FAM227A: variants seen among roughly 807,000 people sequenced by gnomAD.
FAM227A encodes the protein protein FAM227A.
A neutral mutation model predicts 74.7 loss-of-function variants in FAM227A; 80 were observed. The observed-to-expected ratio is 1.07, with a 90% CI of 0.89 to 1.29. FAM227A has a LOEUF of 1.29. Ranked by LOEUF, FAM227A falls within the 50% of genes most tolerant of loss-of-function variation. FAM227A has a pLI of 0.00. For missense variants in FAM227A, 654 were observed against 683.4 expected (o/e 0.96, Z 0.48); for synonymous variants, 237 against 241.8 (o/e 0.98, Z 0.19).
At chr22:38,594,346 A>G (rs2090999561) in intron 15 of FAM227A, among the ~76,000 whole-genome samples, 1 of 152,048 alleles carries the variant, frequency 6.6e-6, no homozygotes, top group Admixed American at 6.6e-5. Flanking sequence ...TCCCTGACTT[A>G]TGTGGTTGCC....
At chr22:38,594,873 T>C (rs1042488605) in intron 15 of FAM227A, among the ~76,000 whole-genome samples, 1 of 151,552 alleles carries the variant, frequency 6.6e-6, no homozygotes, top group Non-Finnish European at 1.5e-5. Context: ...CCGAGGGGGG[T>C]GGATCACGAG....
At chr22:38,639,492 C>T in intron 4 of FAM227A, 163 bp downstream of exon 4, 2 of 725,474 alleles carry the variant, frequency 2.8e-6, no homozygotes, top group Non-Finnish European at 4.9e-6. Flanking sequence ...TACTGCCCCT[C>T]CCTCCTTCCT....
At chr22:38,604,147 T>C (rs965367597) in intron 13 of FAM227A, among the ~76,000 whole-genome samples, 7 of 151,808 alleles carry the variant, frequency 4.6e-5, no homozygotes, top group African/African-American at 1.7e-4. Context: ...GCCAACATGG[T>C]GAAACCCCGT....
At chr22:38,631,146 C>T (rs1336581010) in intron 6 of FAM227A, among the ~76,000 whole-genome samples, 3 of 151,994 alleles carry the variant, frequency 2.0e-5, no homozygotes, top group Admixed American at 6.6e-5. Flanking sequence ...CCAGCCTGGG[C>T]GACAGAGCGA....
intron 3 of FAM227A, among the ~76,000 whole-genome samples, chr22:38,643,943 C>A (rs897752932): frequency 6.6e-6 from 1 of 151,720 alleles, no homozygotes; most frequent in Admixed American, 6.6e-5. Flanking sequence ...GTCAGGAGAT[C>A]GAGACCACCC....
chr22:38,610,830 G>A (rs1422027023), intron 11 of FAM227A, among the ~76,000 whole-genome samples: 1 of 152,174 alleles, frequency 6.6e-6, no homozygotes, highest in Non-Finnish European at 1.5e-5. Flanking sequence ...GGGAGGCTGG[G>A]GAGGGCCAAT....
intron 1 of FAM227A, among the ~76,000 whole-genome samples, chr22:38,651,550 T>C (rs761115917): frequency 2.6e-5 from 4 of 152,108 alleles, no homozygotes; most frequent in East Asian, 3.9e-4. Context: ...TTAGTAGAGA[T>C]GGGGTTTCAC....
intron 13 of FAM227A, among the ~76,000 whole-genome samples, chr22:38,604,424 C>G (rs1425559635): frequency 6.6e-6 from 1 of 152,170 alleles, no homozygotes; most frequent in Non-Finnish European, 1.5e-5. Flanking sequence ...TGGGGAAGCT[C>G]CCAAACCTCT....
At chr22:38,604,667 T>A (rs1050358785) in intron 13 of FAM227A, among the ~76,000 whole-genome samples, 3 of 152,188 alleles carry the variant, frequency 2.0e-5, no homozygotes, top group African/African-American at 2.4e-5. Flanking sequence ...TTATTTATTT[T>A]TTTTGAGACG....
chr22:38,643,310 T>G (rs1223674870), intron 3 of FAM227A, among the ~76,000 whole-genome samples: 1 of 138,656 alleles, frequency 7.2e-6, no homozygotes, highest in Non-Finnish European at 1.6e-5. Context: ...AGCAAGATTC[T>G]GTCTCAAAAA....
At chr22:38,604,703 GAGT>G (rs2091247490) in intron 13 of FAM227A, among the ~76,000 whole-genome samples, 1 of 151,992 alleles carries the variant, frequency 6.6e-6, no homozygotes, top group Non-Finnish European at 1.5e-5. Flanking sequence ...GCCCAGGCTG[GAGT>G]GCAGTGGCGC....
intron 10 of FAM227A, 90 bp downstream of exon 10, chr22:38,623,082 C>T: frequency 1.1e-6 from 1 of 879,052 alleles, no homozygotes; most frequent in Non-Finnish European, 1.8e-6. Flanking sequence ...GACCTGAGGA[C>T]ATCAATGCTA....
chr22:38,633,013 C>T (rs752457172), intron 6 of FAM227A, among the ~76,000 whole-genome samples: 3 of 152,144 alleles, frequency 2.0e-5, no homozygotes, highest in Non-Finnish European at 4.4e-5. Context: ...AGAAGGCACT[C>T]CCAGATGGGG....
Position 38,638,734 on chromosome 22 carries a change from T to C in FAM227A, c.372+12A>G. 1 of 1,538,556 alleles carries C rather than the reference T, an allele frequency of 6.5e-7. No homozygotes were observed. The highest frequency in any genetic ancestry group is 8.8e-7 in the Non-Finnish European group (1 of 1,135,228). The stretch of plus-strand genomic sequence containing the variant: ...AGCCGGTCAGAAACAGACACAGCAG[T>C]AGATCCCTTACCCTTTTTATAACAG... On this transcript the variant is annotated intron_variant, in intron 5 of 16. Transcript: ENST00000535113.
At chr22:38,626,149 C>T (rs2091794551) in intron 9 of FAM227A, 31 bp downstream of exon 9, 2 of 1,548,726 alleles carry the variant, frequency 1.3e-6, no homozygotes, top group Admixed American at 2.0e-5. Context: ...TCTAGAATCG[C>T]TTTCCCCGGT....
In FAM227A at chr22:38,639,720, A is replaced by G. The variant is rs1174231381; in HGVS notation, c.230T>C (p.Ile77Thr). The G allele has an allele frequency of 1.3e-6, 2 of 1,549,864 alleles. No individual in the cohort carries two copies. The highest frequency in any genetic ancestry group is 2.4e-5 in the South Asian group (2 of 84,024). ...CTTCTTCTCCAACTCAAATCTCTCA[A>G]TTGCCTTCAAAAACCAAGAAAAAGG... is the stretch of plus-strand genomic sequence containing the variant. ...RTEPSANSLAIERFELEKKAL... is the reference protein window; with the variant it reads ...RTEPSANSLATERFELEKKAL... Residue 77 changes from isoleucine (I) to threonine (T), a missense_variant, in exon 4 of 17, where the codon ATT becomes ACT. Coordinates refer to ENST00000535113, the MANE Select transcript of FAM227A (RefSeq NM_001013647.2).
rs562261706 is a variant in FAM227A, at chr22:38,614,537, G to A, written c.1038+5675C>T. ...GACTCTCAGACAGACTACTGCCATT[G>A]AAATGCATATTTTGAACACAGCCAG... On this transcript the variant is annotated intron_variant, in intron 11 of 16. Coordinates refer to ENST00000535113, the MANE Select transcript of FAM227A (RefSeq NM_001013647.2). 2.0e-4 allele frequency among the ~76,000 whole-genome samples: 31 copies of A among 152,278 alleles called. No homozygotes were observed. In the South Asian group the frequency reaches 6.4e-3, roughly 32 times the overall value.
At chr22:38,623,403 G>C in intron 9 of FAM227A, 124 bp from the exon 10 acceptor site, 1 of 598,596 alleles carries the variant, frequency 1.7e-6, no homozygotes, top group African/African-American at 1.9e-5. Flanking sequence ...AGGCAACATA[G>C]TGGGACTCCG....
chr22:38,634,635 T>C (rs1328494001), intron 6 of FAM227A, among the ~76,000 whole-genome samples: 1 of 152,172 alleles, frequency 6.6e-6, no homozygotes, highest in Admixed American at 6.5e-5. Context: ...TCCTTGCTAT[T>C]GTAACGAACA....
Sources: allele counts gnomAD v4.1 joint callset (sites outside exome capture counted in the v4.1 genomes callset), GRCh38; gene constraint gnomAD v4.1.1; transcripts MANE v1.5; gene names NCBI Gene and HGNC (gene_info 2026-07-23, HGNC 2026-07-21).